MACROD2: variants seen among roughly 807,000 people sequenced by gnomAD.
MACROD2 encodes ADP-ribose glycohydrolase MACROD2.
MACROD2 carries 36 observed loss-of-function variants against 70.4 expected under a neutral mutation model. The observed-to-expected ratio is 0.51, with a 90% CI of 0.39 to 0.68. The LOEUF is 0.68. Among genes scored for constraint, MACROD2 ranks in the 30% least tolerant of loss-of-function variants. The pLI is 0.00. For missense variants in MACROD2, 496 were observed against 538.4 expected (o/e 0.92, Z 0.78); for synonymous variants, 172 against 178.8 (o/e 0.96, Z 0.30).
chr20:14,500,220 G>C (rs1050349368), intron 4 of MACROD2, among the ~76,000 whole-genome samples: 3 of 152,212 alleles, frequency 2.0e-5, no homozygotes, highest in African/African-American at 4.8e-5. Flanking sequence ...GTCCCAGCAT[G>C]CCACTTAAAA....
At chr20:14,168,576 C>T (rs2081191267) in intron 3 of MACROD2, among the ~76,000 whole-genome samples, 1 of 152,132 alleles carries the variant, frequency 6.6e-6, no homozygotes, top group African/African-American at 2.4e-5. Flanking sequence ...TTATTATTAA[C>T]TAAAGTCCAC....
chr20:14,173,510 A>T (rs1319187337), intron 3 of MACROD2, among the ~76,000 whole-genome samples: 1 of 151,766 alleles, frequency 6.6e-6, no homozygotes, highest in Non-Finnish European at 1.5e-5. Context: ...AAGATTTTTC[A>T]CTTCAGATCT....
chr20:15,648,719 GTGGA>G lies in MACROD2; in HGVS notation c.645+148900_645+148903del, dbSNP rs200374076. 9.1e-3 allele frequency among the ~76,000 whole-genome samples: 1,375 copies of G among 151,674 alleles called. 8 individuals are homozygous for G. The highest frequency in any genetic ancestry group is 0.027 in the Middle Eastern group (8 of 294). The stretch of plus-strand genomic sequence containing the variant: ...AGGTAGATGGATGGGTGGATGGATG[GTGGA>G]TGGATGGATGGATGGATGGATGGAT... On this transcript the variant is annotated intron_variant, in intron 8 of 17. Coordinates refer to ENST00000684519, the MANE Select transcript of MACROD2 (RefSeq NM_001351661.2).
chr20:15,435,284 A>T (rs974806198), intron 7 of MACROD2, among the ~76,000 whole-genome samples: 3 of 152,170 alleles, frequency 2.0e-5, no homozygotes, highest in African/African-American at 7.2e-5. Flanking sequence ...AAAAATATTC[A>T]AGTATCTCAT....
chr20:14,033,213 C>A (rs1429844566), intron 2 of MACROD2, among the ~76,000 whole-genome samples: 1 of 149,910 alleles, frequency 6.7e-6, no homozygotes, highest in Non-Finnish European at 1.5e-5. Context: ...ATTAAAAATT[C>A]TGTGTTAGTC....
intron 5 of MACROD2, among the ~76,000 whole-genome samples, chr20:14,843,515 G>A (rs1417980484): frequency 6.6e-6 from 1 of 151,980 alleles, no homozygotes. Flanking sequence ...AGGTGAGCAA[G>A]GCAGGTAAAT....
At chr20:14,320,242 T>G (rs2082646849) in intron 3 of MACROD2, among the ~76,000 whole-genome samples, 1 of 152,148 alleles carries the variant, frequency 6.6e-6, no homozygotes, top group African/African-American at 2.4e-5. Flanking sequence ...TCTTCAATAT[T>G]CTACTTTTTT....
At chr20:16,016,418 G>A (rs1293389066) in intron 15 of MACROD2, among the ~76,000 whole-genome samples, 2 of 152,134 alleles carry the variant, frequency 1.3e-5, no homozygotes, top group Non-Finnish European at 1.5e-5. Flanking sequence ...GAAAATTCCA[G>A]TTCTATCACT....
intron 2 of MACROD2, among the ~76,000 whole-genome samples, chr20:14,070,787 C>T (rs1272343087): frequency 6.6e-6 from 1 of 152,116 alleles, no homozygotes; most frequent in African/African-American, 2.4e-5. Flanking sequence ...TGCCAAAATA[C>T]AGGGATTTCA....
chr20:14,726,484 A>G (rs1417639470), intron 5 of MACROD2, among the ~76,000 whole-genome samples: 2 of 152,164 alleles, frequency 1.3e-5, no homozygotes, highest in African/African-American at 4.8e-5. Flanking sequence ...TATCTGAGCA[A>G]GTGTCGATAC....
intron 5 of MACROD2, among the ~76,000 whole-genome samples, chr20:15,031,932 C>T (rs1227796522): frequency 6.6e-6 from 1 of 152,180 alleles, no homozygotes; most frequent in Non-Finnish European, 1.5e-5. Flanking sequence ...CCAGGGCACC[C>T]AGGCTGTTCG....
chr20:15,306,932 G>C (rs1465470186), intron 6 of MACROD2, among the ~76,000 whole-genome samples: 1 of 152,136 alleles, frequency 6.6e-6, no homozygotes, highest in African/African-American at 2.4e-5. Context: ...TCAGCTTCTG[G>C]AGAGGCCACA....
At chr20:14,093,821 C>G (rs569045783) in intron 3 of MACROD2, among the ~76,000 whole-genome samples, 2 of 152,186 alleles carry the variant, frequency 1.3e-5, no homozygotes, top group South Asian at 4.1e-4. Flanking sequence ...AGAGCCACGT[C>G]CAAGGTGCCA....
intron 5 of MACROD2, among the ~76,000 whole-genome samples, chr20:14,809,263 A>G (rs1183987230): frequency 1.3e-5 from 2 of 152,168 alleles, no homozygotes; most frequent in East Asian, 3.8e-4. Flanking sequence ...TCAAATTAGA[A>G]TTCAGGATTA....
At chr20:15,681,331 A>G (rs2050157200) in intron 8 of MACROD2, among the ~76,000 whole-genome samples, 1 of 152,192 alleles carries the variant, frequency 6.6e-6, no homozygotes, top group Admixed American at 6.5e-5. Context: ...GAAGGGATTG[A>G]CAAAGTATAA....
At chr20:15,167,150 C>T (rs1002736912) in intron 5 of MACROD2, among the ~76,000 whole-genome samples, 2 of 151,934 alleles carry the variant, frequency 1.3e-5, no homozygotes, top group Non-Finnish European at 2.9e-5. Flanking sequence ...ACAAAAAATA[C>T]ATTGAGTTTC....
intron 3 of MACROD2, among the ~76,000 whole-genome samples, chr20:14,444,289 A>G (rs1273644117): frequency 6.6e-6 from 1 of 152,072 alleles, no homozygotes; most frequent in African/African-American, 2.4e-5. Context: ...CAATCCTTCA[A>G]ATTGCTCAAT....
chr20:14,429,991 T>A (rs1222277050), intron 3 of MACROD2, among the ~76,000 whole-genome samples: 1 of 152,158 alleles, frequency 6.6e-6, no homozygotes, highest in African/African-American at 2.4e-5. Context: ...TTTCTTGAGA[T>A]CACTTCTGAA....
intron 5 of MACROD2, among the ~76,000 whole-genome samples, chr20:14,874,833 T>C (rs937242654): frequency 2.0e-5 from 3 of 151,716 alleles, no homozygotes; most frequent in Non-Finnish European, 2.9e-5. Flanking sequence ...GCCTTCTGAG[T>C]AGCTGGGATT....
Sources: gnomAD v4.1 joint callset for allele counts (sites outside exome capture counted in the v4.1 genomes callset) on GRCh38, gnomAD v4.1.1 for gene constraint, MANE v1.5 for transcripts, NCBI Gene and HGNC (gene_info 2026-07-23, HGNC 2026-07-21) for gene names.